Variants in STOML3 observed in about 807,000 individuals in gnomAD.
STOML3 encodes stomatin like 3, also known as stomatin-like protein 3.
A neutral mutation model predicts 29.5 loss-of-function variants in STOML3; 31 were observed. The ratio of observed to expected loss-of-function variants is 1.05; its 90% CI spans 0.79 to 1.42. The LOEUF is 1.42. STOML3 is among the 40% of genes most tolerant of loss of function. The pLI is 0.00. For missense variants in STOML3, 380 were observed against 363.0 expected, an observed-to-expected ratio of 1.05 and a Z score of -0.38; for synonymous variants, 122 against 139.8, an observed-to-expected ratio of 0.87 and a Z score of 0.90.
chr13:38,988,264 ATATATTATATATAAAATATAT>A (rs1439141808), intron 1 of STOML3, among the ~76,000 whole-genome samples: 1,243 of 80,578 alleles, frequency 0.015, 121 homozygotes, highest in South Asian at 0.041. Context: ...ATTTTATATC[ATATATTATATATAAAATATAT>A]TATATTTTAT....
chr13:38,982,774 G>T (rs1311756260), intron 1 of STOML3, among the ~76,000 whole-genome samples: 1 of 152,096 alleles, frequency 6.6e-6, no homozygotes, highest in African/African-American at 2.4e-5. Context: ...GAAATTCCTA[G>T]TGAGCTCCAA....
intron 1 of STOML3, among the ~76,000 whole-genome samples, chr13:38,988,677 T>C (rs1868846251): frequency 7.4e-6 from 1 of 135,888 alleles, no homozygotes; most frequent in African/African-American, 2.7e-5. Context: ...TGAAATTTTA[T>C]ATATTTGATA....
chr13:38,984,783 CT>C (rs1433052953), intron 1 of STOML3, among the ~76,000 whole-genome samples: 2 of 152,152 alleles, frequency 1.3e-5, no homozygotes, highest in Non-Finnish European at 2.9e-5. Context: ...TCTATCATAA[CT>C]TTTTTTATAG....
chr13:38,985,518 T>G (rs1317234343), intron 1 of STOML3, among the ~76,000 whole-genome samples: 1 of 152,194 alleles, frequency 6.6e-6, no homozygotes, highest in South Asian at 2.1e-4. Flanking sequence ...CATTCTCCCA[T>G]GCTTTCAGTT....
chr13:38,985,176 C>A (rs562679396), intron 1 of STOML3, among the ~76,000 whole-genome samples: 2 of 152,268 alleles, frequency 1.3e-5, no homozygotes, highest in East Asian at 1.9e-4. Flanking sequence ...GTAATCCCAG[C>A]ACTTTGGGAG....
chr13:38,968,331 C>A, intron 6 of STOML3, 69 bp downstream of exon 6: 2 of 1,566,076 alleles, frequency 1.3e-6, no homozygotes, highest in South Asian at 1.2e-5. Context: ...ATCTTCTGTT[C>A]AAGTCCTATC....
intron 1 of STOML3, among the ~76,000 whole-genome samples, chr13:38,979,009 C>A (rs1042729020): frequency 2.0e-5 from 3 of 152,182 alleles, no homozygotes; most frequent in Non-Finnish European, 4.4e-5. Flanking sequence ...GTCCTTTTCT[C>A]CTTAAATCAT....
intron 1 of STOML3, among the ~76,000 whole-genome samples, chr13:38,979,311 T>C (rs561875636): frequency 1.3e-5 from 2 of 152,322 alleles, no homozygotes; most frequent in Non-Finnish European, 2.9e-5. Flanking sequence ...TTTTTTAGTA[T>C]TCATGACAGA....
At chr13:38,980,120 T>C (rs1020116673) in intron 1 of STOML3, 6 of 1,551,424 alleles carry the variant, frequency 3.9e-6, no homozygotes, top group African/African-American at 1.4e-5. Flanking sequence ...CTCAGCTCCA[T>C]TAGGTAATAG....
At chr13:38,985,901 TCTTTTCTTTC>T (rs375649054) in intron 1 of STOML3, among the ~76,000 whole-genome samples, 3 of 112,900 alleles carry the variant, frequency 2.7e-5, no homozygotes, top group Non-Finnish European at 3.5e-5. Flanking sequence ...TTTTTTTTTT[TCTTTTCTTTC>T]TTTTTTTTTT....
In STOML3 at chr13:38,977,619, T is replaced by C. The variant is rs796113054; in HGVS notation, c.53-822A>G. 1.1e-4 allele frequency among the ~76,000 whole-genome samples: 16 copies of C among 152,292 alleles called. No homozygotes were observed. The South Asian group carries it at 2.7e-3, about 26-fold the overall frequency. On this transcript the variant is annotated intron_variant, in intron 1 of 6. Coordinates refer to ENST00000379631, the MANE Select transcript of STOML3 (RefSeq NM_145286.3). ...ATCTCTTCTCGCTAATCACACATTA[T>C]GATAGCAGGTGCATTTTGGCTTAAT...
intron 1 of STOML3, among the ~76,000 whole-genome samples, chr13:38,987,489 C>T (rs1362210186): frequency 6.6e-6 from 1 of 151,582 alleles, no homozygotes; most frequent in East Asian, 1.9e-4. Flanking sequence ...AAGACCCCAT[C>T]TCTAAAAATA....
chr13:38,972,575 T>C lies in STOML3; in HGVS notation c.249A>G (p.Pro83=). The C allele has an allele frequency of 6.2e-7, 1 of 1,614,056 alleles. No homozygotes were observed. The highest frequency in any genetic ancestry group is 8.5e-7 in the Non-Finnish European group (1 of 1,179,952). ...AKGPGLILVL[P]CIDVFVKVDL... ...CAACTTTGACAAACACATCTATGCA[T>C]GGCAGGACCAGGATCAAACCTATGA... is the stretch of plus-strand genomic sequence containing the variant. Residue 83 remains proline, a synonymous_variant, in exon 4 of 7, where the codon CCA becomes CCG. Coordinates refer to ENST00000379631, the MANE Select transcript of STOML3 (RefSeq NM_145286.3).
intron 3 of STOML3, among the ~76,000 whole-genome samples, chr13:38,973,087 C>A (rs1326204857): frequency 1.6e-5 from 2 of 122,938 alleles, no homozygotes; most frequent in African/African-American, 6.1e-5. Context: ...GGTGAAGCCC[C>A]GTCTCTACTA....
At chr13:38,986,134 C>T (rs1868537687) in intron 1 of STOML3, among the ~76,000 whole-genome samples, 1 of 148,768 alleles carries the variant, frequency 6.7e-6, no homozygotes, top group Non-Finnish European at 1.5e-5. Flanking sequence ...CTCTGCCTTC[C>T]AGGTTCAAGT....
chr13:38,976,677 A>C lies in STOML3; in HGVS notation c.156+17T>G. The C allele has an allele frequency of 6.2e-7, 1 of 1,613,964 alleles. No individual in the cohort carries two copies. The highest frequency in any genetic ancestry group is 8.5e-7 in the Non-Finnish European group (1 of 1,179,912). On this transcript the variant is annotated intron_variant, in intron 2 of 6. Transcript: ENST00000379631. ...TCAGTTCATATAGATAGCCCAGTTT[A>C]TTTCCCAGGGTGTTACCTTCAAGCA... is the stretch of plus-strand genomic sequence containing the variant.
At chr13:38,985,445 AAAG>A (rs750097657) in intron 1 of STOML3, among the ~76,000 whole-genome samples, 3 of 152,208 alleles carry the variant, frequency 2.0e-5, no homozygotes, top group Non-Finnish European at 2.9e-5. Context: ...AAATTTAAAA[AAAG>A]AAGAAGCAAA....
intron 4 of STOML3, 67 bp from the exon 5 acceptor site, chr13:38,970,455 C>A: frequency 7.3e-7 from 1 of 1,373,876 alleles, no homozygotes; most frequent in Non-Finnish European, 1.0e-6. Flanking sequence ...AAGTGACAGC[C>A]AGCCCAAGAG....
intron 1 of STOML3, 54 bp downstream of exon 1, chr13:38,990,616 C>T: frequency 6.3e-7 from 1 of 1,583,730 alleles, no homozygotes; most frequent in Non-Finnish European, 8.7e-7. Flanking sequence ...TGCTACAACT[C>T]CTGCTTTGCC....
Sources: allele counts gnomAD v4.1 joint callset (sites outside exome capture counted in the v4.1 genomes callset), GRCh38; gene constraint gnomAD v4.1.1; transcripts MANE v1.5; gene names NCBI Gene and HGNC (gene_info 2026-07-23, HGNC 2026-07-21).